DDX10: variants seen among roughly 807,000 people sequenced by gnomAD.
DDX10 encodes DEAD-box helicase 10.
A neutral mutation model predicts 104.3 loss-of-function variants in DDX10; 74 were observed. The ratio of observed to expected loss-of-function variants is 0.71; its 90% CI spans 0.59 to 0.86. The LOEUF is 0.86. Ranked by LOEUF, DDX10 falls within the 40% of genes least tolerant of loss-of-function variation. The pLI, the probability that DDX10 is intolerant of heterozygous loss-of-function variation, is 0.00. For missense variants in DDX10, 952 were observed against 1,040.0 expected, an observed-to-expected ratio of 0.92 and a Z score of 1.16; for synonymous variants, 351 against 353.4, an observed-to-expected ratio of 0.99 and a Z score of 0.08.
chr11:108,760,680 T>C (rs1431298685), intron 13 of DDX10, among the ~76,000 whole-genome samples: 2 of 151,756 alleles, frequency 1.3e-5, no homozygotes, highest in Admixed American at 1.3e-4. Flanking sequence ...ACACTGTTTT[T>C]TTTTTTTTTT....
intron 13 of DDX10, among the ~76,000 whole-genome samples, chr11:108,801,319 A>C (rs1591821870): frequency 6.6e-6 from 1 of 152,208 alleles, no homozygotes; most frequent in African/African-American, 2.4e-5. Flanking sequence ...ATCAGCTAGT[A>C]GTTTTCTATT....
At position 108,844,498 on chromosome 11, in the gene DDX10, G is replaced by C. The variant is rs1466338921; in HGVS notation, c.2247+3022G>C. On this transcript the variant is annotated intron_variant, in intron 15 of 17. Coordinates refer to ENST00000322536, the MANE Select transcript of DDX10 (RefSeq NM_004398.4). The stretch of plus-strand genomic sequence containing the variant: ...ATCATTTATGCACCAAGCTGTCATA[G>C]AGTGGATTTCTACCCAGGAAATAAG... Among the ~76,000 whole-genome samples, 4 of 152,234 alleles carry C rather than the reference G, an allele frequency of 2.6e-5. No homozygotes were observed. The East Asian group carries it at 7.7e-4, about 29-fold the overall frequency.
intron 13 of DDX10, among the ~76,000 whole-genome samples, chr11:108,765,578 T>C (rs1187966509): frequency 6.6e-6 from 1 of 152,226 alleles, no homozygotes; most frequent in Non-Finnish European, 1.5e-5. Flanking sequence ...TTTGAGAAAT[T>C]TGACAACCTC....
At chr11:108,725,702 A>G (rs952135145) in intron 13 of DDX10, among the ~76,000 whole-genome samples, 5 of 152,088 alleles carry the variant, frequency 3.3e-5, no homozygotes, top group African/African-American at 1.2e-4. Flanking sequence ...ACATATCCTT[A>G]ATCAGATATA....
intron 13 of DDX10, among the ~76,000 whole-genome samples, chr11:108,725,285 A>G (rs1014348010): frequency 1.3e-5 from 2 of 152,052 alleles, no homozygotes; most frequent in Middle Eastern, 3.2e-3. Flanking sequence ...ATACATTTTT[A>G]TGTAGATAAT....
chr11:108,859,270 C>G (rs1203107183), intron 16 of DDX10, among the ~76,000 whole-genome samples: 1 of 152,066 alleles, frequency 6.6e-6, no homozygotes, highest in Non-Finnish European at 1.5e-5. Flanking sequence ...AGTATTAGAC[C>G]AGATTAATTT....
chr11:108,800,814 C>T (rs1037165311), intron 13 of DDX10, among the ~76,000 whole-genome samples: 21 of 152,302 alleles, frequency 1.4e-4, no homozygotes, highest in African/African-American at 4.8e-4. Context: ...GATGATTTTT[C>T]ACTCTACATT....
At chr11:108,846,646 A>G (rs911890951) in intron 15 of DDX10, among the ~76,000 whole-genome samples, 1 of 152,160 alleles carries the variant, frequency 6.6e-6, no homozygotes, top group Non-Finnish European at 1.5e-5. Context: ...TTGTACATAT[A>G]TATGCTACAT....
chr11:108,849,906 T>A (rs528095759), intron 15 of DDX10, among the ~76,000 whole-genome samples: 17 of 152,258 alleles, frequency 1.1e-4, no homozygotes, highest in African/African-American at 3.8e-4. Flanking sequence ...TTTAGAAAAT[T>A]ATTTTTTTCC....
rs10890897 is a variant in DDX10 at position 108,837,088 on chromosome 11, A to T, written c.1966-1358A>T. 7.2e-5 allele frequency among the ~76,000 whole-genome samples: 11 copies of T among 152,062 alleles called. No individual in the cohort carries two copies. The East Asian group carries it at 1.7e-3, about 24-fold the overall frequency. On this transcript the variant is annotated intron_variant, in intron 13 of 17. Transcript: ENST00000322536. The stretch of plus-strand genomic sequence containing the variant: ...GATCTCTCTATGTAGCACAAAATCA[A>T]TGTATAAAAGTGGTATTTGAGATTT...
At chr11:108,889,608 A>G (rs1054618747) in intron 16 of DDX10, among the ~76,000 whole-genome samples, 2 of 152,188 alleles carry the variant, frequency 1.3e-5, no homozygotes, top group Admixed American at 1.3e-4. Context: ...AATAAATGTC[A>G]AATTCTGTAG....
chr11:108,900,673 G>A (rs925913656), intron 16 of DDX10, among the ~76,000 whole-genome samples: 1 of 152,178 alleles, frequency 6.6e-6, no homozygotes, highest in Non-Finnish European at 1.5e-5. Flanking sequence ...TTTAGCAGAA[G>A]TAACTACCAC....
At chr11:108,738,054 G>T (rs182618076) in intron 13 of DDX10, among the ~76,000 whole-genome samples, 1 of 151,910 alleles carries the variant, frequency 6.6e-6, no homozygotes, top group Non-Finnish European at 1.5e-5. Context: ...AAAACACTTA[G>T]CACGACCTTG....
chr11:108,820,954 G>A (rs1029083095), intron 13 of DDX10, among the ~76,000 whole-genome samples: 2 of 152,200 alleles, frequency 1.3e-5, no homozygotes, highest in African/African-American at 4.8e-5. Context: ...GAGTCTTTGA[G>A]TGTTACTCTC....
chr11:108,676,979 C>T, intron 3 of DDX10, 106 bp from the exon 4 acceptor site: 1 of 961,520 alleles, frequency 1.0e-6, no homozygotes, highest in South Asian at 1.7e-5. Context: ...GAGTGGTATG[C>T]CTTCTGCTTG....
At chr11:108,738,112 C>G (rs1375217383) in intron 13 of DDX10, among the ~76,000 whole-genome samples, 2 of 151,686 alleles carry the variant, frequency 1.3e-5, no homozygotes, top group African/African-American at 4.8e-5. Context: ...GTTTTGTTTT[C>G]TTTGCATCTT....
intron 16 of DDX10, among the ~76,000 whole-genome samples, chr11:108,889,074 G>T (rs1447188330): frequency 1.3e-5 from 2 of 152,124 alleles, no homozygotes; most frequent in African/African-American, 4.8e-5. Flanking sequence ...TTTGTAAACT[G>T]TATTGATTAT....
intron 13 of DDX10, among the ~76,000 whole-genome samples, chr11:108,771,802 T>C (rs2094363540): frequency 1.3e-5 from 2 of 152,208 alleles, no homozygotes; most frequent in South Asian, 4.1e-4. Flanking sequence ...GAAAGGTAGA[T>C]ATTTGGTTAT....
chr11:108,713,481 C>CT lies in DDX10; in HGVS notation c.1323-2393dup, dbSNP rs1054509161. On this transcript the variant is annotated intron_variant, in intron 10 of 17. Coordinates refer to ENST00000322536, the MANE Select transcript of DDX10 (RefSeq NM_004398.4). ...GGTATTAGTAATATGTGTTACAGTT[C>CT]TTTTTGTTCTCTCGCATTTCTTTTC... is the stretch of plus-strand genomic sequence containing the variant. Among the ~76,000 whole-genome samples the CT allele has an allele frequency of 2.6e-5, 4 of 151,944 alleles. No individual in the cohort carries two copies. The East Asian group carries it at 5.8e-4, about 22-fold the overall frequency.
Sources: gnomAD v4.1 joint callset for allele counts (sites outside exome capture counted in the v4.1 genomes callset) on GRCh38, gnomAD v4.1.1 for gene constraint, MANE v1.5 for transcripts, NCBI Gene and HGNC (gene_info 2026-07-23, HGNC 2026-07-21) for gene names.